Variants in ABCA10 observed in about 807,000 individuals in gnomAD.
ABCA10 encodes ATP-binding cassette sub-family A member 10.
Under a neutral mutation model 187.5 loss-of-function variants are expected in ABCA10, and 169 were observed. The observed-to-expected ratio is 0.90, with a 90% CI of 0.80 to 1.02. ABCA10 has a LOEUF of 1.02. ABCA10 is among the 50% of genes least tolerant of loss of function. ABCA10 has a pLI of 0.00. For synonymous variants in ABCA10, 574 were observed against 601.8 expected (o/e 0.95, Z 0.68); for missense variants, 1,727 against 1,812.4 (o/e 0.95, Z 0.86).
intron 9 of ABCA10, among the ~76,000 whole-genome samples, chr17:69,210,098 T>TATG (rs1482035210): frequency 7.4e-5 from 11 of 149,598 alleles, no homozygotes; most frequent in Admixed American, 6.7e-5. Context: ...TTATTATTAT[T>TATG]ATTATTATTT....
At chr17:69,163,534 T>A (rs1171281433) in intron 27 of ABCA10, among the ~76,000 whole-genome samples, 1 of 152,122 alleles carries the variant, frequency 6.6e-6, no homozygotes, top group Non-Finnish European at 1.5e-5. Context: ...TGTATAAAAG[T>A]TTATAAATCA....
chr17:69,237,010 T>C (rs2074876081), intron 1 of ABCA10, among the ~76,000 whole-genome samples: 1 of 152,196 alleles, frequency 6.6e-6, no homozygotes. Context: ...GAAGAGGAAA[T>C]GGCAAAAGTT....
chr17:69,190,358 C>T lies in ABCA10; in HGVS notation c.2131G>A (p.Asp711Asn), dbSNP rs779414111. 1.3e-6 allele frequency: 2 copies of T among 1,541,196 alleles called. No homozygotes were observed. The highest frequency in any genetic ancestry group is 2.4e-5 in the East Asian group (1 of 41,118). ...TTCTGCTAGACACACATTTTTATAC[C>T]TGGTTCATCAATTGCTGATTTTCCT... ...LEGKSAIDEPDFDIGKQEKIH... is the reference protein window; with the variant it reads ...LEGKSAIDEPNFDIGKQEKIH... Residue 711 changes from aspartate to asparagine, a missense_variant and splice_region_variant, in exon 18 of 39, where the codon GAT becomes AAT. Physicochemically the swap from Asp to Asn is conservative, Grantham distance 23 (BLOSUM62 1). Coordinates refer to ENST00000690296, the MANE Select transcript of ABCA10 (RefSeq NM_001377321.1).
chr17:69,244,143 T>C lies in ABCA10; in HGVS notation c.-593+386A>G, dbSNP rs145441953. Among the ~76,000 whole-genome samples, 1,243 of 152,266 alleles carry C rather than the reference T, an allele frequency of 8.2e-3. 9 individuals carry two copies. The highest frequency in any genetic ancestry group is 0.014 in the Middle Eastern group (4 of 294). ...CCTGTTATATGTGATAATGTGTAAGTTAAAGTGATTGCTTTCTATTTACAA... is the reference window on the plus strand; with the variant it reads ...CCTGTTATATGTGATAATGTGTAAGCTAAAGTGATTGCTTTCTATTTACAA... On this transcript the variant is annotated intron_variant, in intron 1 of 39. Transcript: ENST00000269081.
intron 12 of ABCA10, 51 bp from the exon 13 acceptor site, chr17:69,194,040 A>C: frequency 6.8e-7 from 1 of 1,462,880 alleles, no homozygotes; most frequent in Non-Finnish European, 9.3e-7. Flanking sequence ...AATTCTATGC[A>C]GAGTGATAAT....
At position 69,153,372 on chromosome 17, in the gene ABCA10, T is replaced by A. The variant is rs201197046; in HGVS notation, c.4069A>T (p.Asn1357Tyr). The A allele has an allele frequency of 1.1e-5, 17 of 1,613,572 alleles. No individual in the cohort carries two copies. The highest frequency in any genetic ancestry group is 1.3e-5 in the Non-Finnish European group (15 of 1,179,796). Residue 1357 changes from asparagine (N) to tyrosine (Y), a missense_variant, in exon 34 of 39, where the codon AAC becomes TAC. Transcript: ENST00000690296. ...TCATCTAGAAGCACCACTGATGGGTTCCCCAGGATGCTCAGCACAAAGCAC... is the reference window on the plus strand; with the variant it reads ...TCATCTAGAAGCACCACTGATGGGTACCCCAGGATGCTCAGCACAAAGCAC... ...KLCFVLSILGNPSVVLLDEPF... is the reference protein window; with the variant it reads ...KLCFVLSILGYPSVVLLDEPF...
chr17:69,166,194 T>C (rs1449461138), intron 25 of ABCA10, among the ~76,000 whole-genome samples: 1 of 152,130 alleles, frequency 6.6e-6, no homozygotes, highest in Admixed American at 6.6e-5. Flanking sequence ...CATATCTCAG[T>C]AAAAAGTGGC....
chr17:69,204,052 T>C (rs2074570537), intron 9 of ABCA10, among the ~76,000 whole-genome samples: 1 of 152,176 alleles, frequency 6.6e-6, no homozygotes. Context: ...ACATTCCCTA[T>C]CAAGTGAAAA....
chr17:69,182,143 C>G lies in ABCA10; in HGVS notation c.2769+10G>C. The G allele has an allele frequency of 6.4e-7, 1 of 1,564,678 alleles. No individual in the cohort carries two copies. The highest frequency in any genetic ancestry group is 8.6e-7 in the Non-Finnish European group (1 of 1,156,128). On this transcript the variant is annotated intron_variant, in intron 22 of 38. Transcript: ENST00000690296. ...TGTTGCCTCTTATATAAGTCGAATA[C>G]TCTACTTACACGAGAAAATGAAGTG...
At position 69,174,334 on chromosome 17, in the gene ABCA10, TGA is replaced by T. The variant is rs752941509; in HGVS notation, c.3107_3108del (p.Phe1036TyrfsTer9). On this transcript the variant is annotated frameshift_variant, in exon 25 of 39. Transcript: ENST00000690296. LOFTEE classifies it high-confidence loss of function. Reference sequence around the variant, plus strand: ...TTATTTTTTCTCCACTTGCGAAAGATGAATGAAAGCACATATGTGAGGAATAT... The same window carrying T: ...TTATTTTTTCTCCACTTGCGAAAGATATGAAAGCACATATGTGAGGAATAT... ...SLIFLTYVLS[F>X]IFRKWRKNNG... The T allele has an allele frequency of 6.2e-7, 1 of 1,607,396 alleles. No individual in the cohort carries two copies. The highest frequency in any genetic ancestry group is 1.1e-5 in the South Asian group (1 of 89,050).
intron 9 of ABCA10, among the ~76,000 whole-genome samples, chr17:69,210,081 TTTATTATTATTA>T (rs140000472): frequency 2.0e-5 from 3 of 146,866 alleles, no homozygotes; most frequent in East Asian, 2.0e-4. Flanking sequence ...ATGCTATTAC[TTTATTATTATTA>T]TTATTATTAT....
At chr17:69,173,270 G>A (rs540577424) in intron 25 of ABCA10, among the ~76,000 whole-genome samples, 1 of 152,264 alleles carries the variant, frequency 6.6e-6, no homozygotes, top group Middle Eastern at 3.4e-3. Flanking sequence ...ACAGGGATGC[G>A]ATTTGGAAGC....
At chr17:69,172,989 C>T (rs1476311384) in intron 25 of ABCA10, among the ~76,000 whole-genome samples, 1 of 152,002 alleles carries the variant, frequency 6.6e-6, no homozygotes, top group African/African-American at 2.4e-5. Context: ...ACTTTATGGC[C>T]AAAAACCATA....
intron 1 of ABCA10, among the ~76,000 whole-genome samples, chr17:69,237,966 G>C (rs1454552681): frequency 1.3e-5 from 2 of 152,062 alleles, no homozygotes; most frequent in African/African-American, 2.4e-5. Context: ...TTTGAGACCA[G>C]CCTGGCCAAT....
chr17:69,222,843 G>GA (rs1047003051), intron 3 of ABCA10, 146 bp from the exon 4 acceptor site: 4 of 674,482 alleles, frequency 5.9e-6, no homozygotes, highest in Non-Finnish European at 8.8e-6. Flanking sequence ...AAGGCTGAGT[G>GA]AAACTATTGT....
In ABCA10 at chr17:69,185,636, C is replaced by CTAGTAA; in HGVS notation, c.2332_2337dup (p.Leu778_Leu779dup). 6.3e-7 allele frequency: 1 copy of CTAGTAA among 1,593,348 alleles called. No individual in the cohort carries two copies. Among genetic ancestry groups the CTAGTAA allele is most frequent in the South Asian group, 1.1e-5 (1 of 88,578 alleles). On this transcript the variant is annotated inframe_insertion, in exon 20 of 39. Transcript: ENST00000690296. ...ATGGGGATAAAAGCAATTCCAAGTA[C>CTAGTAA]TAGTAACCTAAGTAAAACAAAATTA...
chr17:69,183,106 A>G (rs2074393066), intron 20 of ABCA10, among the ~76,000 whole-genome samples: 1 of 152,178 alleles, frequency 6.6e-6, no homozygotes, highest in African/African-American at 2.4e-5. Context: ...TCACAGGAAG[A>G]AAATTTGCTA....
At chr17:69,159,688 T>C (rs2074200249) in intron 27 of ABCA10, among the ~76,000 whole-genome samples, 1 of 152,116 alleles carries the variant, frequency 6.6e-6, no homozygotes, top group African/African-American at 2.4e-5. Context: ...AGTAAAATAA[T>C]TTTTCAAAAT....
chr17:69,216,858 TA>T (rs1308180267), intron 6 of ABCA10, among the ~76,000 whole-genome samples: 1 of 152,206 alleles, frequency 6.6e-6, no homozygotes, highest in Non-Finnish European at 1.5e-5. Flanking sequence ...TTTCATTTTT[TA>T]TCCTTGTATG....
Sources: allele counts gnomAD v4.1 joint callset (sites outside exome capture counted in the v4.1 genomes callset), GRCh38; gene constraint gnomAD v4.1.1; transcripts MANE v1.5; gene names NCBI Gene and HGNC (gene_info 2026-07-23, HGNC 2026-07-21).